DSCAM: variants seen among roughly 807,000 people sequenced by gnomAD.
DSCAM encodes the protein cell adhesion molecule DSCAM.
DSCAM carries 47 observed loss-of-function variants against 217.7 expected under a neutral mutation model. The observed-to-expected ratio is 0.22, with a 90% CI of 0.17 to 0.28. The LOEUF is 0.28. Ranked by LOEUF, DSCAM falls within the 10% of genes least tolerant of loss-of-function variation. The pLI, the probability that DSCAM is intolerant of heterozygous loss-of-function variation, is 1.00. For missense variants in DSCAM, 2,080 were observed against 2,618.3 expected (o/e 0.79, Z 4.49); for synonymous variants, 1,056 against 1,015.3 (o/e 1.04, Z -0.76).
intron 1 of DSCAM, among the ~76,000 whole-genome samples, chr21:40,728,579 C>T (rs527451126): frequency 1.1e-4 from 17 of 151,964 alleles, no homozygotes; most frequent in Non-Finnish European, 2.4e-4. Flanking sequence ...CAACCACGCC[C>T]GGCTAATTTT....
At chr21:40,631,202 C>T (rs954289716) in intron 3 of DSCAM, among the ~76,000 whole-genome samples, 31 of 152,150 alleles carry the variant, frequency 2.0e-4, no homozygotes, top group Non-Finnish European at 2.1e-4. Context: ...CTCTGCTCCA[C>T]CAGCCTGCAG....
chr21:40,579,508 G>A (rs2076886066), intron 3 of DSCAM, among the ~76,000 whole-genome samples: 1 of 152,102 alleles, frequency 6.6e-6, no homozygotes, highest in Admixed American at 6.5e-5. Context: ...AAAATCTGAA[G>A]GAGATTCTAG....
At chr21:40,338,577 T>G (rs2074453534) in intron 7 of DSCAM, among the ~76,000 whole-genome samples, 1 of 152,244 alleles carries the variant, frequency 6.6e-6, no homozygotes, top group African/African-American at 2.4e-5. Flanking sequence ...TGTATAACTG[T>G]GAAACACTTT....
chr21:40,138,451 T>C (rs1185578536), intron 18 of DSCAM, among the ~76,000 whole-genome samples: 1 of 142,704 alleles, frequency 7.0e-6, no homozygotes, highest in African/African-American at 2.6e-5. Context: ...GTGGTGTGTG[T>C]GTATGTGTGG....
At chr21:40,313,330 T>C (rs556316645) in intron 8 of DSCAM, among the ~76,000 whole-genome samples, 1 of 152,294 alleles carries the variant, frequency 6.6e-6, no homozygotes, top group South Asian at 2.1e-4. Context: ...TGCTGATGTA[T>C]TGCTAAGGAG....
intron 32 of DSCAM, among the ~76,000 whole-genome samples, chr21:40,039,903 A>G (rs1172326175): frequency 6.6e-6 from 1 of 152,204 alleles, no homozygotes; most frequent in African/African-American, 2.4e-5. Context: ...GAGATTTGGA[A>G]GACTATAAAC....
At position 40,080,136 on chromosome 21, in the gene DSCAM, G is replaced by A; in HGVS notation, c.4420+16C>T. ...AAAAGAAAGGATATTAAGAAGCGATGAGAAGGCATACCTACCTTTTCCTAA... is the reference window on the plus strand; with the variant it reads ...AAAAGAAAGGATATTAAGAAGCGATAAGAAGGCATACCTACCTTTTCCTAA... On this transcript the variant is annotated intron_variant, in intron 25 of 32. Coordinates refer to ENST00000400454, the MANE Select transcript of DSCAM (RefSeq NM_001389.5). 2 of 1,534,834 alleles carry A rather than the reference G, an allele frequency of 1.3e-6. No homozygotes were observed. The highest frequency in any genetic ancestry group is 1.8e-6 in the Non-Finnish European group (2 of 1,128,750).
chr21:40,054,510 C>T (rs191628512), intron 29 of DSCAM, among the ~76,000 whole-genome samples: 96 of 152,268 alleles, frequency 6.3e-4, no homozygotes, highest in African/African-American at 2.3e-3. Flanking sequence ...CCACTGCCTT[C>T]CCGGCAGGAG....
intron 11 of DSCAM, 150 bp from the exon 12 acceptor site, chr21:40,189,388 A>G: frequency 1.3e-6 from 1 of 752,168 alleles, no homozygotes; most frequent in Non-Finnish European, 2.0e-6. Context: ...CGAGCAAAAT[A>G]AAGGAAAGGC....
chr21:40,390,122 G>A lies in DSCAM; in HGVS notation c.509-20877C>T, dbSNP rs538207018. Among the ~76,000 whole-genome samples, 19 of 152,306 alleles carry A rather than the reference G, an allele frequency of 1.2e-4. No individual in the cohort carries two copies. The South Asian group carries it at 1.7e-3, about 13-fold the overall frequency. ...GAGAGGCTGGAGCTGTCTCAGCTTC[G>A]TTTTGCTTAATCAAGCCTCCTTTGA... On this transcript the variant is annotated intron_variant, in intron 3 of 32. Coordinates refer to ENST00000400454, the MANE Select transcript of DSCAM (RefSeq NM_001389.5).
At chr21:40,196,582 T>C (rs57199681) in intron 11 of DSCAM, among the ~76,000 whole-genome samples, 9,084 of 151,420 alleles carry the variant, frequency 0.06, 874 homozygotes, top group African/African-American at 0.2. Context: ...TCCTTCTCCT[T>C]TTTTCTTTAT....
chr21:40,812,937 T>C (rs973718736), intron 1 of DSCAM, among the ~76,000 whole-genome samples: 1 of 152,190 alleles, frequency 6.6e-6, no homozygotes, highest in Non-Finnish European at 1.5e-5. Flanking sequence ...GAAAATTGCC[T>C]GCTAAATTCA....
intron 3 of DSCAM, among the ~76,000 whole-genome samples, chr21:40,441,523 G>A (rs2075630278): frequency 6.6e-6 from 1 of 152,180 alleles, no homozygotes; most frequent in South Asian, 2.1e-4. Context: ...TAACAAGGCA[G>A]ATCCCTCACC....
chr21:40,376,395 T>G (rs576993292), intron 3 of DSCAM, among the ~76,000 whole-genome samples: 1 of 148,296 alleles, frequency 6.7e-6, no homozygotes, highest in African/African-American at 2.5e-5. Flanking sequence ...ATAGAAGATA[T>G]ATATATATCT....
intron 3 of DSCAM, among the ~76,000 whole-genome samples, chr21:40,399,281 CAAAACA>C (rs1206624786): frequency 6.7e-6 from 1 of 148,714 alleles, no homozygotes; most frequent in African/African-American, 2.5e-5. Context: ...CAAAACAAAA[CAAAACA>C]AAACAAAACA....
intron 1 of DSCAM, among the ~76,000 whole-genome samples, chr21:40,785,833 C>T (rs1402922227): frequency 6.6e-6 from 1 of 152,234 alleles, no homozygotes; most frequent in Non-Finnish European, 1.5e-5. Context: ...GAGACAGACC[C>T]ACATAAAATG....
At chr21:40,331,771 A>C (rs1304796375) in intron 8 of DSCAM, among the ~76,000 whole-genome samples, 1 of 152,238 alleles carries the variant, frequency 6.6e-6, no homozygotes, top group African/African-American at 2.4e-5. Flanking sequence ...CTGCATTCCT[A>C]GCATGGCCAT....
At chr21:40,560,574 G>C (rs554802861) in intron 3 of DSCAM, among the ~76,000 whole-genome samples, 4 of 152,224 alleles carry the variant, frequency 2.6e-5, no homozygotes, top group Admixed American at 1.3e-4. Flanking sequence ...GAAACTCATT[G>C]TAAGTTGAAA....
At chr21:40,818,769 G>A (rs1365662324) in intron 1 of DSCAM, among the ~76,000 whole-genome samples, 1 of 152,008 alleles carries the variant, frequency 6.6e-6, no homozygotes, top group Non-Finnish European at 1.5e-5. Flanking sequence ...AGCATTTTTT[G>A]AAGATGTGAT....
Sources: gnomAD v4.1 joint callset for allele counts (sites outside exome capture counted in the v4.1 genomes callset) on GRCh38, gnomAD v4.1.1 for gene constraint, MANE v1.5 for transcripts, NCBI Gene and HGNC (gene_info 2026-07-23, HGNC 2026-07-21) for gene names.